GRM1: variants seen among roughly 807,000 people sequenced by gnomAD.
The protein encoded by GRM1 is glutamate metabotropic receptor 1.
In GRM1, 33 loss-of-function variants were observed where a neutral mutation model predicts 90.9. The ratio of observed to expected loss-of-function variants is 0.36; its 90% CI spans 0.28 to 0.49. GRM1 has a LOEUF of 0.49. GRM1 is among the 20% of genes least tolerant of loss of function. GRM1 has a pLI of 0.99. For missense variants in GRM1, 1,190 were observed against 1,534.3 expected, an observed-to-expected ratio of 0.78 and a Z score of 3.75; for synonymous variants, 700 against 613.2, an observed-to-expected ratio of 1.14 and a Z score of -2.09.
At chr6:146,029,004 C>T (rs1021820699), upstream of GRM1, among the ~76,000 whole-genome samples, 2 of 152,172 alleles carry the variant, frequency 1.3e-5, no homozygotes, top group Non-Finnish European at 2.9e-5. Flanking sequence ...CCGCCTGGAC[C>T]CGTGAGGACA....
At chr6:146,231,995 T>C (rs762791995) in intron 2 of GRM1, among the ~76,000 whole-genome samples, 15 of 152,202 alleles carry the variant, frequency 9.9e-5, no homozygotes, top group South Asian at 4.1e-4. Context: ...ATTGGTATTA[T>C]TTCTTAATTA....
chr6:146,114,541 A>G (rs1393058864), intron 1 of GRM1, among the ~76,000 whole-genome samples: 3 of 152,162 alleles, frequency 2.0e-5, no homozygotes, highest in Non-Finnish European at 4.4e-5. Context: ...GATTATGAAA[A>G]TTAAGATGCC....
intron 1 of GRM1, among the ~76,000 whole-genome samples, chr6:146,139,631 C>A (rs150819109): frequency 1.3e-5 from 2 of 151,902 alleles, no homozygotes; most frequent in African/African-American, 4.8e-5. Context: ...TATTTCTGTT[C>A]TTTTATGTCT....
chr6:146,377,407 A>C (rs1216451248), intron 5 of GRM1, among the ~76,000 whole-genome samples: 1 of 152,132 alleles, frequency 6.6e-6, no homozygotes, highest in African/African-American at 2.4e-5. Flanking sequence ...GAAACTTGTT[A>C]GAAATTGGAG....
chr6:146,223,810 G>A (rs1293696397), intron 2 of GRM1, among the ~76,000 whole-genome samples: 1 of 152,016 alleles, frequency 6.6e-6, no homozygotes, highest in East Asian at 1.9e-4. Flanking sequence ...TGCACATTCT[G>A]ATATTCTTTC....
chr6:146,048,833 T>C (rs1281225821), intron 1 of GRM1, among the ~76,000 whole-genome samples: 1 of 151,976 alleles, frequency 6.6e-6, no homozygotes, highest in Non-Finnish European at 1.5e-5. Flanking sequence ...GGAGAAGGCA[T>C]GGGACAGACT....
chr6:146,205,595 A>G (rs973854931), intron 2 of GRM1, among the ~76,000 whole-genome samples: 2 of 152,238 alleles, frequency 1.3e-5, no homozygotes, highest in African/African-American at 4.8e-5. Flanking sequence ...TGTTATCATA[A>G]CAATGCAGCA....
chr6:146,410,151 G>T (rs912646576), intron 7 of GRM1, among the ~76,000 whole-genome samples: 1 of 152,156 alleles, frequency 6.6e-6, no homozygotes, highest in Non-Finnish European at 1.5e-5. Flanking sequence ...AGTTGGAGTA[G>T]GGATGAGGGA....
chr6:146,047,373 C>G (rs1194548763), intron 1 of GRM1, among the ~76,000 whole-genome samples: 1 of 151,900 alleles, frequency 6.6e-6, no homozygotes, highest in East Asian at 1.9e-4. Flanking sequence ...AGAAAAACAT[C>G]ATTAATCATA....
In GRM1 at chr6:146,434,083, G is replaced by A. The variant is rs1453883037; in HGVS notation, c.2872G>A (p.Glu958Lys). 1.9e-6 allele frequency: 3 copies of A among 1,610,530 alleles called. No individual in the cohort carries two copies. The highest frequency in any genetic ancestry group is 2.5e-6 in the Non-Finnish European group (3 of 1,176,840). ...DTSTKTLYNV[E>K]EEEDAQPIRF... ...CAGCACCAAGACCCTTTACAACGTA[G>A]AGGAGGAGGAGGATGCCCAGCCGAT... is the stretch of plus-strand genomic sequence containing the variant. The change falls in exon 8 of 8, where the codon GAG becomes AAG. Residue 958 changes from glutamate (E) to lysine (K), a missense_variant. Transcript: ENST00000282753.
chr6:146,188,600 A>G (rs1583136756), intron 2 of GRM1, among the ~76,000 whole-genome samples: 1 of 152,216 alleles, frequency 6.6e-6, no homozygotes, highest in Admixed American at 6.5e-5. Flanking sequence ...TAACTTAAAC[A>G]TGCCCAATTA....
intron 2 of GRM1, among the ~76,000 whole-genome samples, chr6:146,304,036 G>C (rs775780928): frequency 1.3e-5 from 2 of 152,024 alleles, no homozygotes; most frequent in Non-Finnish European, 2.9e-5. Flanking sequence ...CTTTAATGCT[G>C]CTATTTTGAA....
At chr6:146,351,167 A>G (rs894325504) in intron 3 of GRM1, among the ~76,000 whole-genome samples, 4 of 152,182 alleles carry the variant, frequency 2.6e-5, no homozygotes, top group East Asian at 1.9e-4. Context: ...TTAGGTTGGA[A>G]CAAAGGGCAG....
chr6:146,352,575 G>C, intron 4 of GRM1, 79 bp downstream of exon 4: 1 of 1,427,614 alleles, frequency 7.0e-7, no homozygotes, highest in Non-Finnish European at 9.8e-7. Context: ...GCTTCATCTG[G>C]TTCCATGGTT....
At chr6:146,168,185 A>G (rs1353158733) in intron 2 of GRM1, among the ~76,000 whole-genome samples, 2 of 151,938 alleles carry the variant, frequency 1.3e-5, no homozygotes, top group Admixed American at 1.3e-4. Context: ...GTGTGTGTGT[A>G]TTCTTATCTT....
intron 3 of GRM1, among the ~76,000 whole-genome samples, chr6:146,327,021 A>T (rs1427290647): frequency 2.0e-5 from 3 of 152,192 alleles, no homozygotes; most frequent in Non-Finnish European, 4.4e-5. Context: ...GTTTCTATAT[A>T]CTCCACAATC....
intron 3 of GRM1, among the ~76,000 whole-genome samples, chr6:146,311,827 T>C (rs1783781842): frequency 6.6e-6 from 1 of 152,226 alleles, no homozygotes; most frequent in Non-Finnish European, 1.5e-5. Flanking sequence ...TAACAATACT[T>C]TGTTAATGTG....
chr6:146,068,492 C>T (rs771336950), intron 1 of GRM1, among the ~76,000 whole-genome samples: 31 of 152,186 alleles, frequency 2.0e-4, no homozygotes, highest in South Asian at 1.0e-3. Context: ...TTCCCCCATT[C>T]TCCTGAGGGT....
chr6:146,252,492 C>G (rs980819784), intron 2 of GRM1, among the ~76,000 whole-genome samples: 2 of 151,814 alleles, frequency 1.3e-5, no homozygotes, highest in Non-Finnish European at 2.9e-5. Context: ...AGAAAATTAG[C>G]CAGGCATGGT....
Sources: allele counts gnomAD v4.1 joint callset (sites outside exome capture counted in the v4.1 genomes callset), GRCh38; gene constraint gnomAD v4.1.1; transcripts MANE v1.5; gene names NCBI Gene and HGNC (gene_info 2026-07-23, HGNC 2026-07-21).